Variants in RBFOX1 observed in about 807,000 individuals in gnomAD.
RBFOX1 encodes RNA binding protein fox-1 homolog 1.
RBFOX1 carries 8 observed loss-of-function variants against 57.7 expected under a neutral mutation model. That is an observed-to-expected ratio of 0.14 (90% CI 0.08 to 0.25). RBFOX1 has a LOEUF of 0.25. Among genes scored for constraint, RBFOX1 ranks in the 10% least tolerant of loss-of-function variants. The probability of loss-of-function intolerance (pLI) is 1.00; values close to 1 mark genes in which losing one functional copy is unlikely to be tolerated. For synonymous variants in RBFOX1, 326 were observed against 222.4 expected, an observed-to-expected ratio of 1.47 and a Z score of -4.15; for missense variants, 611 against 548.5, an observed-to-expected ratio of 1.11 and a Z score of -1.14.
intron 3 of RBFOX1, among the ~76,000 whole-genome samples, chr16:6,660,383 T>C (rs1159036930): frequency 2.6e-5 from 4 of 152,174 alleles, no homozygotes; most frequent in African/African-American, 9.7e-5. Flanking sequence ...CCCGCACATG[T>C]ACCCCAGAAC....
At chr16:7,538,706 C>T (rs540902679) in intron 5 of RBFOX1, among the ~76,000 whole-genome samples, 1 of 152,266 alleles carries the variant, frequency 6.6e-6, no homozygotes, top group South Asian at 2.1e-4. Flanking sequence ...ACTTACAATT[C>T]TATGCTTCAG....
At chr16:6,312,526 C>G (rs936023584) in intron 1 of RBFOX1, among the ~76,000 whole-genome samples, 1 of 152,122 alleles carries the variant, frequency 6.6e-6, no homozygotes, top group East Asian at 1.9e-4. Context: ...CTAATGGAGC[C>G]AGGATCAGGC....
chr16:5,512,510 A>C (rs149233843), intron 2 of RBFOX1, among the ~76,000 whole-genome samples: 96 of 152,212 alleles, frequency 6.3e-4, no homozygotes, highest in Non-Finnish European at 1.2e-3. Context: ...TTTAAACACA[A>C]TCATCACAAT....
chr16:5,633,439 C>G (rs1365219209), intron 3 of RBFOX1, among the ~76,000 whole-genome samples: 1 of 152,150 alleles, frequency 6.6e-6, no homozygotes, highest in Non-Finnish European at 1.5e-5. Flanking sequence ...TTTTGTTGCA[C>G]TCATCACTGG....
At chr16:6,744,629 A>G (rs894584814) in intron 3 of RBFOX1, among the ~76,000 whole-genome samples, 1 of 152,130 alleles carries the variant, frequency 6.6e-6, no homozygotes, top group Non-Finnish European at 1.5e-5. Flanking sequence ...GGAAGTCAAA[A>G]TAAACAGTGA....
intron 3 of RBFOX1, among the ~76,000 whole-genome samples, chr16:5,736,402 G>T (rs531283805): frequency 2.2e-4 from 33 of 152,142 alleles, no homozygotes; most frequent in Middle Eastern, 3.4e-3. Flanking sequence ...TGGGTGTGGG[G>T]TGATGGGAGG....
At chr16:5,677,696 T>A (rs900313830) in intron 3 of RBFOX1, among the ~76,000 whole-genome samples, 1 of 152,204 alleles carries the variant, frequency 6.6e-6, no homozygotes, top group African/African-American at 2.4e-5. Flanking sequence ...GGTCCTTCTA[T>A]CAAGTCTGAA....
intron 1 of RBFOX1, among the ~76,000 whole-genome samples, chr16:6,140,025 C>T (rs1237843596): frequency 6.6e-6 from 1 of 151,830 alleles, no homozygotes; most frequent in Non-Finnish European, 1.5e-5. Context: ...ATTTGTCTTA[C>T]CAAATGCTCT....
intron 2 of RBFOX1, among the ~76,000 whole-genome samples, chr16:6,412,692 G>C (rs996915049): frequency 6.6e-6 from 1 of 152,136 alleles, no homozygotes; most frequent in African/African-American, 2.4e-5. Flanking sequence ...GAAAATGTTG[G>C]TCACAAATGA....
intron 4 of RBFOX1, among the ~76,000 whole-genome samples, chr16:5,915,151 C>T (rs1410947643): frequency 6.6e-6 from 1 of 152,172 alleles, no homozygotes; most frequent in African/African-American, 2.4e-5. Flanking sequence ...TGCCCACTCC[C>T]TTTGTCTCTT....
At chr16:7,578,987 G>GA (rs1403375260) in intron 5 of RBFOX1, among the ~76,000 whole-genome samples, 5 of 152,166 alleles carry the variant, frequency 3.3e-5, no homozygotes. Flanking sequence ...ACATGGTCTA[G>GA]GCAAACAGAG....
chr16:6,633,301 G>C (rs1180235061), intron 2 of RBFOX1, among the ~76,000 whole-genome samples: 1 of 152,068 alleles, frequency 6.6e-6, no homozygotes, highest in Non-Finnish European at 1.5e-5. Flanking sequence ...TTTTGAGACA[G>C]AGTGTCACTC....
chr16:6,607,380 C>A (rs1567859321), intron 2 of RBFOX1, among the ~76,000 whole-genome samples: 1 of 152,006 alleles, frequency 6.6e-6, no homozygotes, highest in Non-Finnish European at 1.5e-5. Flanking sequence ...TGACCAATTT[C>A]CAGTTATCAT....
intron 2 of RBFOX1, among the ~76,000 whole-genome samples, chr16:5,558,592 C>T (rs1876357): frequency 0.3 from 46,009 of 152,008 alleles, 7,321 homozygotes; most frequent in African/African-American, 0.4. Context: ...GGTCCCTTTC[C>T]TTTCCTTGTC....
rs79828147 is a variant in RBFOX1, at chr16:6,243,022, G to A, written c.-126-73973G>A. On this transcript the variant is annotated intron_variant, in intron 1 of 15. Transcript: ENST00000550418. ...ATTACTGTAATCAAAAGGGGTTTCT[G>A]AATTGTAAGAGATACTATCATTGTT... is the stretch of plus-strand genomic sequence containing the variant. Among the ~76,000 whole-genome samples the A allele has an allele frequency of 5.4e-3, 815 of 152,274 alleles. 11 individuals carry two copies. Among genetic ancestry groups the A allele is most frequent in the African/African-American group, 0.019 (777 of 41,562 alleles).
At chr16:6,691,630 G>T (rs1396755429) in intron 3 of RBFOX1, among the ~76,000 whole-genome samples, 1 of 152,130 alleles carries the variant, frequency 6.6e-6, no homozygotes, top group Non-Finnish European at 1.5e-5. Context: ...TGTTTAAGAT[G>T]ACCTTGGCTT....
intron 3 of RBFOX1, among the ~76,000 whole-genome samples, chr16:6,752,877 G>A (rs1345602647): frequency 6.6e-6 from 1 of 150,606 alleles, no homozygotes; most frequent in Non-Finnish European, 1.5e-5. Context: ...ACATATTGCA[G>A]TTCCTCTGTT....
At chr16:5,356,023 G>A (rs561786920) in intron 1 of RBFOX1, among the ~76,000 whole-genome samples, 3 of 152,252 alleles carry the variant, frequency 2.0e-5, no homozygotes, top group Admixed American at 1.3e-4. Context: ...CCCGGGAGGC[G>A]GAGGTTGCAG....
chr16:6,828,056 GATTAAAAGCCTC>G (rs1465079429), intron 3 of RBFOX1, among the ~76,000 whole-genome samples: 1 of 152,122 alleles, frequency 6.6e-6, no homozygotes, highest in Non-Finnish European at 1.5e-5. Context: ...TTGAGAAAAT[GATTAAAAGCCTC>G]TAAGATGCAT....
Sources: gnomAD v4.1 joint callset for allele counts (sites outside exome capture counted in the v4.1 genomes callset) on GRCh38, gnomAD v4.1.1 for gene constraint, MANE v1.5 for transcripts, NCBI Gene and HGNC (gene_info 2026-07-23, HGNC 2026-07-21) for gene names.